Variants in UST observed in about 807,000 individuals in gnomAD.
UST encodes chondroitin sulfate 2-O-sulfotransferase.
A neutral mutation model predicts 45.6 loss-of-function variants in UST; 21 were observed. That is an observed-to-expected ratio of 0.46 (90% CI 0.33 to 0.66). The LOEUF is 0.66. Ranked by LOEUF, UST falls within the 30% of genes least tolerant of loss-of-function variation. The pLI is 0.02. For missense variants in UST, 463 were observed against 512.4 expected (o/e 0.90, Z 0.93); for synonymous variants, 215 against 200.6 (o/e 1.07, Z -0.61).
At chr6:149,033,592 G>A (rs529425995) in intron 7 of UST, among the ~76,000 whole-genome samples, 143 of 152,192 alleles carry the variant, frequency 9.4e-4, no homozygotes, top group Non-Finnish European at 1.9e-3. Flanking sequence ...ACCTACAAAC[G>A]CATAGAAAAA....
At chr6:148,796,555 C>T (rs1457056660) in intron 1 of UST, among the ~76,000 whole-genome samples, 4 of 128,786 alleles carry the variant, frequency 3.1e-5, no homozygotes, top group East Asian at 2.9e-4. Flanking sequence ...ACCTGGGAGG[C>T]GGAGGTTGCA....
intron 5 of UST, among the ~76,000 whole-genome samples, chr6:149,013,563 C>T (rs762598972): frequency 1.3e-4 from 19 of 151,996 alleles, no homozygotes; most frequent in Non-Finnish European, 1.9e-4. Context: ...GTACCAGGTA[C>T]GTCCATCTGC....
intron 7 of UST, among the ~76,000 whole-genome samples, chr6:149,055,330 G>A (rs777124140): frequency 9.2e-5 from 14 of 152,126 alleles, no homozygotes; most frequent in East Asian, 3.9e-4. Flanking sequence ...TTTAATGCCG[G>A]TTCACTTATT....
intron 5 of UST, among the ~76,000 whole-genome samples, chr6:148,978,993 A>T (rs138094495): frequency 1.5e-3 from 223 of 152,304 alleles, no homozygotes; most frequent in African/African-American, 5.0e-3. Flanking sequence ...CAGGGAGAAT[A>T]TAAGCAGCAT....
chr6:148,818,215 A>C (rs1483263222), intron 1 of UST, among the ~76,000 whole-genome samples: 1 of 149,572 alleles, frequency 6.7e-6, no homozygotes, highest in Non-Finnish European at 1.5e-5. Flanking sequence ...AGTGGCATAC[A>C]TCTTGCAGTC....
chr6:148,886,879 C>T, intron 1 of UST, 107 bp from the exon 2 acceptor site: 1 of 937,958 alleles, frequency 1.1e-6, no homozygotes, highest in Non-Finnish European at 1.7e-6. Context: ...GTACTGTTGT[C>T]TGAGCAGAAA....
intron 4 of UST, among the ~76,000 whole-genome samples, chr6:148,960,401 T>G (rs916826335): frequency 1.3e-5 from 2 of 152,196 alleles, no homozygotes; most frequent in African/African-American, 4.8e-5. Flanking sequence ...ACTGTCTTCC[T>G]CCCTCACTGA....
At chr6:148,800,832 T>C (rs1330701171) in intron 1 of UST, among the ~76,000 whole-genome samples, 13 of 147,622 alleles carry the variant, frequency 8.8e-5, no homozygotes, top group African/African-American at 2.7e-4. Flanking sequence ...GGAGGAATCC[T>C]CATGGAATCT....
chr6:148,831,043 A>ATTTT, intron 1 of UST, among the ~76,000 whole-genome samples: 1 of 150,606 alleles, frequency 6.6e-6, no homozygotes, highest in Non-Finnish European at 1.5e-5. Context: ...AAATTAAAAG[A>ATTTT]AAGATGAAAG....
chr6:148,982,244 G>A (rs557645594), intron 5 of UST, among the ~76,000 whole-genome samples: 8 of 152,096 alleles, frequency 5.3e-5, no homozygotes, highest in South Asian at 2.1e-4. Flanking sequence ...GGCTACAGGC[G>A]TGCACCACCA....
intron 1 of UST, 66 bp downstream of exon 1, chr6:148,747,743 C>T: frequency 2.7e-6 from 4 of 1,475,776 alleles, no homozygotes; most frequent in Non-Finnish European, 2.7e-6. Context: ...GGGAGAGGGT[C>T]GCGGCGGGGA....
intron 7 of UST, among the ~76,000 whole-genome samples, chr6:149,032,887 G>T (rs1254107914): frequency 6.6e-6 from 1 of 152,194 alleles, no homozygotes; most frequent in Non-Finnish European, 1.5e-5. Flanking sequence ...GTGTTTGGAG[G>T]TGAATTTTTT....
intron 1 of UST, among the ~76,000 whole-genome samples, chr6:148,764,782 G>A (rs532480177): frequency 2.0e-5 from 3 of 152,264 alleles, no homozygotes; most frequent in East Asian, 1.9e-4. Context: ...AGGTCAGGGC[G>A]AAACTAGAAT....
chr6:148,755,920 A>G (rs993612951), intron 1 of UST, among the ~76,000 whole-genome samples: 2 of 152,020 alleles, frequency 1.3e-5, no homozygotes, highest in Non-Finnish European at 2.9e-5. Flanking sequence ...GGTTTGTTAC[A>G]TACGTATACA....
intron 4 of UST, among the ~76,000 whole-genome samples, chr6:148,955,451 C>T (rs1009859654): frequency 4.3e-4 from 65 of 152,276 alleles, no homozygotes; most frequent in African/African-American, 1.5e-3. Context: ...CCTGGGCCTT[C>T]CTGATAACCA....
intron 2 of UST, among the ~76,000 whole-genome samples, chr6:148,912,112 G>A (rs1009258226): frequency 9.2e-5 from 14 of 152,182 alleles, no homozygotes; most frequent in African/African-American, 2.9e-4. Flanking sequence ...CAGGAGAATC[G>A]TCTGAACCTT....
chr6:148,756,695 C>T (rs1025543288), intron 1 of UST, among the ~76,000 whole-genome samples: 1 of 152,148 alleles, frequency 6.6e-6, no homozygotes, highest in African/African-American at 2.4e-5. Flanking sequence ...TGACATTCTA[C>T]CTTGTATTGT....
rs1210835190 is a variant in UST at position 148,927,811 on chromosome 6, A to G, written c.292-13468A>G. Among the ~76,000 whole-genome samples, 94 of 152,228 alleles carry G rather than the reference A, an allele frequency of 6.2e-4. 1 individual carries two copies. The highest frequency in any genetic ancestry group is 6.2e-3 in the Admixed American group (94 of 15,282). ...TGTCACTCAGTCAAAGCAGCTCTAG[A>G]TGGGGCCAAGAAGTTATGCTTCAAT... On this transcript the variant is annotated intron_variant, in intron 2 of 7. Coordinates refer to ENST00000367463, the MANE Select transcript of UST (RefSeq NM_005715.3).
At chr6:148,795,390 C>T (rs185294163) in intron 1 of UST, among the ~76,000 whole-genome samples, 163 of 152,288 alleles carry the variant, frequency 1.1e-3, no homozygotes, top group Non-Finnish European at 1.9e-3. Flanking sequence ...TGCTGCTTTG[C>T]TCACAAGCAC....
Sources: allele counts gnomAD v4.1 joint callset (sites outside exome capture counted in the v4.1 genomes callset), GRCh38; gene constraint gnomAD v4.1.1; transcripts MANE v1.5; gene names NCBI Gene and HGNC (gene_info 2026-07-23, HGNC 2026-07-21).